Variants in IL1RAPL2 observed in about 807,000 individuals in gnomAD.
IL1RAPL2 encodes the protein X-linked interleukin-1 receptor accessory protein-like 2.
A neutral mutation model predicts 44.1 loss-of-function variants in IL1RAPL2; 3 were observed. That is an observed-to-expected ratio of 0.07 (90% CI 0.03 to 0.18). The LOEUF is 0.18. IL1RAPL2 is among the 10% of genes least tolerant of loss of function. The pLI, the probability that IL1RAPL2 is intolerant of heterozygous loss-of-function variation, is 1.00. For synonymous variants in IL1RAPL2, 181 were observed against 178.8 expected (o/e 1.01, Z -0.10); for missense variants, 391 against 496.4 (o/e 0.79, Z 2.02).
intron 5 of IL1RAPL2, among the ~76,000 whole-genome samples, chrX:105,458,699 C>T (rs2147765415): frequency 9.0e-6 from 1 of 111,690 alleles, no homozygotes; most frequent in African/African-American, 3.2e-5. Context: ...TATCAATTCC[C>T]ATTGATGGTG....
intron 1 of IL1RAPL2, among the ~76,000 whole-genome samples, chrX:104,593,924 T>C (rs1928715866): frequency 8.9e-6 from 1 of 112,482 alleles, no homozygotes; most frequent in African/African-American, 3.2e-5. Flanking sequence ...CTGTGGACTA[T>C]CTTTGTGATT....
At chrX:105,230,009 G>A (rs1556193961) in intron 3 of IL1RAPL2, among the ~76,000 whole-genome samples, 1 of 111,725 alleles carries the variant, frequency 9.0e-6, no homozygotes, top group Non-Finnish European at 1.9e-5. Context: ...GTGTCAGGCA[G>A]GCTGGTCTCA....
At position 105,380,055 on chromosome X, in the gene IL1RAPL2, G is replaced by A. The variant is rs200342961; in HGVS notation, c.698-104258G>A. 8.9e-5 allele frequency among the ~76,000 whole-genome samples: 10 copies of A among 111,839 alleles called. No individual in the cohort carries two copies. The East Asian group carries it at 2.0e-3, about 22-fold the overall frequency. On this transcript the variant is annotated intron_variant, in intron 5 of 10. Coordinates refer to ENST00000372582, the MANE Select transcript of IL1RAPL2 (RefSeq NM_017416.2). ...CCTAACAGAGAGCATTAATTTACTC[G>A]TGATAAATTACACAACCTGACTAAT...
chrX:105,112,514 C>G (rs753489441), intron 2 of IL1RAPL2, among the ~76,000 whole-genome samples: 4 of 112,162 alleles, frequency 3.6e-5, no homozygotes, highest in Non-Finnish European at 5.6e-5. Context: ...ATGCTATGCA[C>G]GAATGACAGT....
chrX:105,173,002 G>A (rs926507583), intron 2 of IL1RAPL2, among the ~76,000 whole-genome samples: 1 of 110,610 alleles, frequency 9.0e-6, no homozygotes, highest in African/African-American at 3.3e-5. Context: ...CCCTGTTAAT[G>A]GTAATCTCTT....
At chrX:105,043,875 A>T (rs2147761143) in intron 2 of IL1RAPL2, among the ~76,000 whole-genome samples, 1 of 112,266 alleles carries the variant, frequency 8.9e-6, no homozygotes, top group Non-Finnish European at 1.9e-5. Context: ...TTTGTCTCTT[A>T]AAAGTTGCTA....
intron 2 of IL1RAPL2, among the ~76,000 whole-genome samples, chrX:105,123,284 C>T (rs1267862886): frequency 9.0e-6 from 1 of 110,774 alleles, no homozygotes; most frequent in Non-Finnish European, 1.9e-5. Context: ...AAACTTTATT[C>T]CTGCAATATT....
chrX:105,286,177 A>G (rs910832750), intron 5 of IL1RAPL2, among the ~76,000 whole-genome samples: 8 of 111,070 alleles, frequency 7.2e-5, no homozygotes, highest in Non-Finnish European at 1.3e-4. Flanking sequence ...AGGAAATACG[A>G]TGGAATGAAA....
At position 105,552,203 on chromosome X, in the gene IL1RAPL2, C is replaced by T. The variant is rs770919416; in HGVS notation, c.772+67816C>T. Among the ~76,000 whole-genome samples the T allele has an allele frequency of 1.9e-3, 209 of 111,511 alleles. 1 individual carries two copies. The highest frequency in any genetic ancestry group is 6.4e-3 in the African/African-American group (198 of 30,711). On this transcript the variant is annotated intron_variant, in intron 6 of 10. Coordinates refer to ENST00000372582, the MANE Select transcript of IL1RAPL2 (RefSeq NM_017416.2). ...TATCATTCTGAATGGCAAAAATCAG[C>T]TTATGTGTATTTTCCTTCATTGTAC... is the stretch of plus-strand genomic sequence containing the variant.
intron 2 of IL1RAPL2, among the ~76,000 whole-genome samples, chrX:104,896,931 G>T (rs1242263482): frequency 9.0e-6 from 1 of 111,338 alleles, no homozygotes; most frequent in Non-Finnish European, 1.9e-5. Context: ...CCCTGCGAAA[G>T]TCTGCGGCTT....
chrX:105,219,855 G>T, intron 3 of IL1RAPL2: 1 of 1,085,166 alleles, frequency 9.2e-7, no homozygotes, highest in Non-Finnish European at 1.2e-6. Context: ...GGGCGGGGCA[G>T]GGCGAAGCCA....
chrX:104,701,470 A>G (rs1465220121), intron 2 of IL1RAPL2, among the ~76,000 whole-genome samples: 2 of 111,485 alleles, frequency 1.8e-5, no homozygotes, highest in African/African-American at 6.5e-5. Context: ...AGTGACACAG[A>G]TTGTAATCTG....
intron 5 of IL1RAPL2, among the ~76,000 whole-genome samples, chrX:105,409,882 G>C (rs56246842): frequency 9.8e-3 from 36 of 3,657 alleles, no homozygotes; most frequent in African/African-American, 0.012. Flanking sequence ...ATAGAGTGTG[G>C]GGGGGGGGTT....
intron 2 of IL1RAPL2, among the ~76,000 whole-genome samples, chrX:105,003,495 C>T (rs190900466): frequency 1.3e-4 from 14 of 111,095 alleles, no homozygotes; most frequent in Admixed American, 8.6e-4. Context: ...CTCTCTCTCA[C>T]GTGCATGTGC....
intron 5 of IL1RAPL2, among the ~76,000 whole-genome samples, chrX:105,364,477 A>G (rs1183710670): frequency 1.8e-5 from 2 of 110,755 alleles, no homozygotes; most frequent in Admixed American, 1.9e-4. Flanking sequence ...TAGAAATTTG[A>G]TAGGGATTAC....
At chrX:104,810,155 A>C (rs1436810986) in intron 2 of IL1RAPL2, among the ~76,000 whole-genome samples, 2 of 109,956 alleles carry the variant, frequency 1.8e-5, no homozygotes, top group East Asian at 5.8e-4. Flanking sequence ...TCAGTAAACT[A>C]TCACAAGAAC....
At chrX:105,513,436 T>C (rs1235097858) in intron 6 of IL1RAPL2, among the ~76,000 whole-genome samples, 3 of 111,607 alleles carry the variant, frequency 2.7e-5, no homozygotes, top group African/African-American at 9.8e-5. Context: ...ATCTGTTGTT[T>C]CCTGACTTTT....
rs782548714 is a variant in IL1RAPL2 at position 105,209,925 on chromosome X, C to G, written c.356+14177C>G. Among the ~76,000 whole-genome samples, 5 of 111,386 alleles carry G rather than the reference C, an allele frequency of 4.5e-5. No individual in the cohort carries two copies. In the East Asian group the frequency reaches 1.4e-3, roughly 32 times the overall value. ...TATTCACCTTCCTTTCTAGTGCCCC[C>G]TCCTAGGGTCCCACTGCTCTCCCCT... On this transcript the variant is annotated intron_variant, in intron 3 of 10. Transcript: ENST00000372582.
chrX:105,314,185 T>C (rs2034819069), intron 5 of IL1RAPL2, among the ~76,000 whole-genome samples: 1 of 111,468 alleles, frequency 9.0e-6, no homozygotes, highest in Non-Finnish European at 1.9e-5. Context: ...TTACAATGAA[T>C]GTCTCTAACT....
Sources: gnomAD v4.1 joint callset for allele counts (sites outside exome capture counted in the v4.1 genomes callset) on GRCh38, gnomAD v4.1.1 for gene constraint, MANE v1.5 for transcripts, NCBI Gene and HGNC (gene_info 2026-07-23, HGNC 2026-07-21) for gene names.